Variants in CSMD1 observed in about 807,000 individuals in gnomAD.
CSMD1 encodes the protein CUB and sushi domain-containing protein 1.
In CSMD1, 213 loss-of-function variants were observed where a neutral mutation model predicts 417.5. The observed-to-expected ratio is 0.51, with a 90% CI of 0.46 to 0.57. CSMD1 has a LOEUF of 0.57. Among genes scored for constraint, CSMD1 ranks in the 20% least tolerant of loss-of-function variants. The pLI, the probability that CSMD1 is intolerant of heterozygous loss-of-function variation, is 0.00. For synonymous variants in CSMD1, 2,862 were observed against 1,736.8 expected (o/e 1.65, Z -16.11); for missense variants, 6,923 against 4,529.7 (o/e 1.53, Z -15.17).
intron 1 of CSMD1, among the ~76,000 whole-genome samples, chr8:4,719,308 G>C (rs1037655211): frequency 6.6e-6 from 1 of 152,128 alleles, no homozygotes; most frequent in Non-Finnish European, 1.5e-5. Flanking sequence ...AGCCTAATAA[G>C]AAATAAGGGT....
intron 5 of CSMD1, among the ~76,000 whole-genome samples, chr8:3,898,057 T>C (rs1416166506): frequency 6.6e-6 from 1 of 152,136 alleles, no homozygotes; most frequent in East Asian, 1.9e-4. Context: ...ATTATGTACT[T>C]ACAAACAAGG....
At chr8:3,833,389 T>G (rs1050382105) in intron 5 of CSMD1, among the ~76,000 whole-genome samples, 1 of 152,160 alleles carries the variant, frequency 6.6e-6, no homozygotes, top group African/African-American at 2.4e-5. Flanking sequence ...AATAATTTAC[T>G]GCATTCAACT....
intron 12 of CSMD1, 45 bp downstream of exon 12, chr8:3,468,667 T>G (rs370514169): frequency 2.4e-6 from 3 of 1,275,782 alleles, no homozygotes; most frequent in Non-Finnish European, 3.3e-6. Flanking sequence ...CTGCCCTCTC[T>G]TGGAATGCTA....
chr8:4,532,696 C>A (rs958320895), intron 2 of CSMD1, among the ~76,000 whole-genome samples: 1 of 138,552 alleles, frequency 7.2e-6, no homozygotes, highest in Non-Finnish European at 1.5e-5. Context: ...CATTCAATCA[C>A]TTTGAAAAGA....
At chr8:3,182,578 CTGTGTGTGTGTG>C (rs35090952) in intron 36 of CSMD1, among the ~76,000 whole-genome samples, 5,051 of 93,680 alleles carry the variant, frequency 0.054, 207 homozygotes, top group African/African-American at 0.13. Context: ...TTATAAGAAG[CTGTGTGTGTGTG>C]TGTGTGTGTG....
intron 3 of CSMD1, among the ~76,000 whole-genome samples, chr8:4,158,552 G>C (rs1031883484): frequency 6.6e-6 from 1 of 152,128 alleles, no homozygotes; most frequent in Non-Finnish European, 1.5e-5. Flanking sequence ...GCTAGGTTGT[G>C]TCCTAGGTTC....
At chr8:4,340,393 T>A (rs11785309) in intron 3 of CSMD1, among the ~76,000 whole-genome samples, 6 of 152,000 alleles carry the variant, frequency 3.9e-5, no homozygotes, top group African/African-American at 7.2e-5. Flanking sequence ...ACTCTTGACA[T>A]GAGTTTGCTT....
At chr8:3,009,967 T>TA (rs1235128004) in intron 52 of CSMD1, among the ~76,000 whole-genome samples, 2 of 152,346 alleles carry the variant, frequency 1.3e-5, no homozygotes, top group East Asian at 3.9e-4. Context: ...GCATTCTTTT[T>TA]ATCTATTCCT....
intron 2 of CSMD1, among the ~76,000 whole-genome samples, chr8:4,516,686 G>C (rs757714322): frequency 6.6e-6 from 1 of 152,110 alleles, no homozygotes; most frequent in African/African-American, 2.4e-5. Flanking sequence ...ATCAGCCCCA[G>C]ATTCCTCCAA....
chr8:3,448,345 G>GAAGGAAGAA (rs147339192), intron 12 of CSMD1, among the ~76,000 whole-genome samples: 1 of 2,732 alleles, frequency 3.7e-4, no homozygotes, highest in Non-Finnish European at 7.2e-4. Flanking sequence ...GGGAGGGAGG[G>GAAGGAAGAA]AGGAAGGAAG....
intron 3 of CSMD1, among the ~76,000 whole-genome samples, chr8:4,340,955 C>G (rs1800443974): frequency 6.6e-6 from 1 of 152,026 alleles, no homozygotes; most frequent in Non-Finnish European, 1.5e-5. Flanking sequence ...AGTCTGTACT[C>G]TGCGGGTTTA....
intron 5 of CSMD1, among the ~76,000 whole-genome samples, chr8:3,968,986 C>G (rs59083665): frequency 2.0e-5 from 3 of 152,188 alleles, no homozygotes; most frequent in Admixed American, 2.0e-4. Flanking sequence ...GACAGTGGCT[C>G]ATACCTGTAC....
intron 25 of CSMD1, among the ~76,000 whole-genome samples, chr8:3,293,113 T>G (rs570362086): frequency 4.7e-5 from 7 of 150,008 alleles, no homozygotes; most frequent in Admixed American, 1.4e-4. Flanking sequence ...TATGAAATTC[T>G]GGGTTGAAAA....
At chr8:4,418,386 A>G (rs1049722412) in intron 3 of CSMD1, among the ~76,000 whole-genome samples, 6 of 152,110 alleles carry the variant, frequency 3.9e-5, no homozygotes, top group Admixed American at 3.3e-4. Context: ...CCACCAGTAA[A>G]CCCAGAAATA....
intron 2 of CSMD1, among the ~76,000 whole-genome samples, chr8:4,433,331 A>C (rs1277057956): frequency 6.6e-6 from 1 of 152,208 alleles, no homozygotes; most frequent in Admixed American, 6.5e-5. Context: ...CTGGCACCAG[A>C]AAGGTTGGGG....
At chr8:3,791,497 C>A (rs951518949) in intron 5 of CSMD1, among the ~76,000 whole-genome samples, 3 of 152,146 alleles carry the variant, frequency 2.0e-5, no homozygotes, top group Non-Finnish European at 2.9e-5. Flanking sequence ...TTTGAAAAGT[C>A]ATCTCTACAA....
rs182168112 is a variant in CSMD1, at chr8:4,323,689, T to C, written c.415+96264A>G. On this transcript the variant is annotated intron_variant, in intron 3 of 69. Transcript: ENST00000635120. ...CTACAAACAAGAATTATATAGGAAA[T>C]GTATAAAATAGAAGGAAGCCGAGAG... Among the ~76,000 whole-genome samples the C allele has an allele frequency of 1.9e-3, 291 of 152,084 alleles. 2 individuals are homozygous for C. The highest frequency in any genetic ancestry group is 6.8e-3 in the Middle Eastern group (2 of 294).
chr8:4,010,381 G>A (rs969378750), intron 4 of CSMD1, among the ~76,000 whole-genome samples: 10 of 152,060 alleles, frequency 6.6e-5, no homozygotes, highest in African/African-American at 2.2e-4. Context: ...CGGGCCCTCT[G>A]TCAGCCTCTT....
intron 3 of CSMD1, among the ~76,000 whole-genome samples, chr8:4,337,409 C>T (rs1192188019): frequency 6.6e-6 from 1 of 152,108 alleles, no homozygotes; most frequent in African/African-American, 2.4e-5. Flanking sequence ...TTGTTTCAGA[C>T]TGCTTTTCTA....
Sources: gnomAD v4.1 joint callset for allele counts (sites outside exome capture counted in the v4.1 genomes callset) on GRCh38, gnomAD v4.1.1 for gene constraint, MANE v1.5 for transcripts, NCBI Gene and HGNC (gene_info 2026-07-23, HGNC 2026-07-21) for gene names.